DNMBP: variants seen among roughly 807,000 people sequenced by gnomAD.
DNMBP encodes the protein dynamin-binding protein.
A neutral mutation model predicts 150.0 loss-of-function variants in DNMBP; 87 were observed. The observed-to-expected ratio is 0.58, with a 90% CI of 0.49 to 0.69. The LOEUF (loss-of-function observed/expected upper bound fraction) is 0.69, where lower values mean the gene tolerates loss of function less well. DNMBP is among the 30% of genes least tolerant of loss of function. The probability of loss-of-function intolerance (pLI) is 0.00; values close to 1 mark genes in which losing one functional copy is unlikely to be tolerated. For missense variants in DNMBP, 1,774 were observed against 1,949.0 expected (o/e 0.91, Z 1.69); for synonymous variants, 711 against 750.4 (o/e 0.95, Z 0.86).
intron 4 of DNMBP, among the ~76,000 whole-genome samples, chr10:99,923,162 G>A (rs2080499243): frequency 6.6e-6 from 1 of 152,054 alleles, no homozygotes. Flanking sequence ...AGGCCGAGGT[G>A]GGCGGATCAG....
rs137947976 is a variant in DNMBP, at chr10:99,913,807, G to A, written c.2261-4661C>T. On this transcript the variant is annotated intron_variant, in intron 4 of 16. Coordinates refer to ENST00000324109, the MANE Select transcript of DNMBP (RefSeq NM_015221.4). Reference sequence around the variant, plus strand: ...TCAGAGTTAAAGAGCAGAGCCATGCGCCCTTCCCTTGCCTCAGAAAGCTGG... The same window carrying A: ...TCAGAGTTAAAGAGCAGAGCCATGCACCCTTCCCTTGCCTCAGAAAGCTGG... 101 of 790,576 alleles carry A rather than the reference G, an allele frequency of 1.3e-4. 2 individuals carry two copies. In the South Asian group the frequency reaches 4.6e-3, roughly 36 times the overall value. 49.0% of individuals were successfully genotyped at this position (790,576 alleles called of 1,614,324 possible).
At chr10:99,939,121 CA>C (rs879724371) in intron 4 of DNMBP, among the ~76,000 whole-genome samples, 155 of 141,036 alleles carry the variant, frequency 1.1e-3, no homozygotes, top group African/African-American at 1.8e-3. Flanking sequence ...AAAAGTGTGC[CA>C]AAAAAAAAAA....
intron 1 of DNMBP, among the ~76,000 whole-genome samples, chr10:99,985,961 GGCTGGTCT>G (rs2040823127): frequency 6.6e-6 from 1 of 152,092 alleles, no homozygotes; most frequent in Non-Finnish European, 1.5e-5. Flanking sequence ...ATGTTGGCCA[GGCTGGTCT>G]CAAACTCCTG....
chr10:99,932,905 G>C (rs539860559), intron 4 of DNMBP, among the ~76,000 whole-genome samples: 3 of 151,726 alleles, frequency 2.0e-5, no homozygotes, highest in African/African-American at 4.9e-5. Context: ...AAAGTGATCC[G>C]TTCCTAAGGA....
At chr10:99,934,167 G>T (rs370411032) in intron 4 of DNMBP, among the ~76,000 whole-genome samples, 1 of 152,136 alleles carries the variant, frequency 6.6e-6, no homozygotes, top group Non-Finnish European at 1.5e-5. Context: ...TTGTGAAAAT[G>T]TTGGGCACCT....
chr10:99,974,978 G>A (rs2133358761), intron 1 of DNMBP, among the ~76,000 whole-genome samples: 1 of 152,264 alleles, frequency 6.6e-6, no homozygotes, highest in Non-Finnish European at 1.5e-5. Flanking sequence ...ATGTTGCCCA[G>A]GCTGGTCTCA....
intron 1 of DNMBP, among the ~76,000 whole-genome samples, chr10:99,980,080 T>C (rs754124481): frequency 2.6e-5 from 4 of 152,188 alleles, no homozygotes; most frequent in African/African-American, 9.7e-5. Context: ...TTGTGAGACA[T>C]TGGACTGGAC....
At chr10:99,927,473 T>G (rs1348074076) in intron 4 of DNMBP, among the ~76,000 whole-genome samples, 1 of 152,176 alleles carries the variant, frequency 6.6e-6, no homozygotes, top group African/African-American at 2.4e-5. Context: ...TCCAAGAGGT[T>G]AAGTAATTTT....
intron 1 of DNMBP, among the ~76,000 whole-genome samples, chr10:99,974,111 C>T (rs182452467): frequency 2.0e-5 from 3 of 152,058 alleles, no homozygotes; most frequent in African/African-American, 7.2e-5. Context: ...CAACACAGCA[C>T]GACTTCACCT....
At chr10:99,981,142 A>G (rs1201012081) in intron 1 of DNMBP, among the ~76,000 whole-genome samples, 1 of 152,188 alleles carries the variant, frequency 6.6e-6, no homozygotes, top group Non-Finnish European at 1.5e-5. Flanking sequence ...AAGGTATGTC[A>G]TAAAACGTGA....
At chr10:99,988,943 G>A (rs1370291821) in intron 1 of DNMBP, among the ~76,000 whole-genome samples, 2 of 152,162 alleles carry the variant, frequency 1.3e-5, no homozygotes, top group Non-Finnish European at 2.9e-5. Flanking sequence ...GATTATGGGC[G>A]TGAGCCACTG....
intron 2 of DNMBP, among the ~76,000 whole-genome samples, chr10:99,970,220 T>C (rs972165578): frequency 6.6e-6 from 1 of 152,194 alleles, no homozygotes; most frequent in Non-Finnish European, 1.5e-5. Flanking sequence ...AAATAATTTA[T>C]CTCCCAAATG....
At chr10:99,982,850 G>A (rs544437287) in intron 1 of DNMBP, among the ~76,000 whole-genome samples, 5 of 152,184 alleles carry the variant, frequency 3.3e-5, no homozygotes, top group East Asian at 1.9e-4. Flanking sequence ...TACTCAGGGC[G>A]GGGGTATGGG....
chr10:99,876,314 T>C lies in DNMBP; in HGVS notation c.*837A>G, dbSNP rs2039271727. 1 of 151,572 alleles carries C rather than the reference T, an allele frequency of 6.6e-6. No individual in the cohort carries two copies. The highest frequency in any genetic ancestry group is 2.4e-5 in the African/African-American group (1 of 41,172). The allele number at this position is 151,572 out of a possible 1,614,324, so 9.4% of individuals were successfully genotyped here. ...GTTGCGGTATGGTGGCTTACACCTG[T>C]AATCTCAGCAGGGAGGCGGGAGGGT... On this transcript the variant is annotated 3_prime_UTR_variant, in exon 17 of 17. Coordinates refer to ENST00000324109, the MANE Select transcript of DNMBP (RefSeq NM_015221.4).
At chr10:99,877,648 GA>G (rs777546024) in intron 16 of DNMBP, among the ~76,000 whole-genome samples, 1 of 152,134 alleles carries the variant, frequency 6.6e-6, no homozygotes, top group African/African-American at 2.4e-5. Flanking sequence ...TGGATCACCT[GA>G]AGTTGGGAAT....
chr10:99,899,221 AAGTT>A (rs775442712), intron 7 of DNMBP, among the ~76,000 whole-genome samples: 34 of 151,946 alleles, frequency 2.2e-4, no homozygotes, highest in South Asian at 6.2e-4. Context: ...AAAAATAAAA[AAGTT>A]AGCCCCTAAC....
intron 4 of DNMBP, among the ~76,000 whole-genome samples, chr10:99,951,223 C>T (rs1057186010): frequency 3.9e-5 from 6 of 152,304 alleles, no homozygotes; most frequent in Admixed American, 6.5e-5. Flanking sequence ...ACCTCTGCCT[C>T]GATTTCAGAG....
At chr10:99,971,394 G>T (rs887646033) in intron 2 of DNMBP, among the ~76,000 whole-genome samples, 1 of 150,936 alleles carries the variant, frequency 6.6e-6, no homozygotes, top group African/African-American at 2.4e-5. Context: ...TATTGAGATG[G>T]TGTCTTGCTA....
At position 99,909,230 on chromosome 10, in the gene DNMBP, C is replaced by G. The variant is rs1589412423; in HGVS notation, c.2261-84G>C. On this transcript the variant is annotated intron_variant, in intron 4 of 16. Transcript: ENST00000324109. ...AGTTTGAGGCAAACAGAACCCATTT[C>G]CTGAGAACCAAAGGTCTCACTATTG... 9 of 1,043,398 alleles carry G rather than the reference C, an allele frequency of 8.6e-6. No homozygotes were observed. In the East Asian group the frequency reaches 2.0e-4, roughly 23 times the overall value. 64.6% of individuals were successfully genotyped at this position (1,043,398 alleles called of 1,614,324 possible). A position where few individuals can be genotyped will look rare whatever the true frequency, so the allele number is the denominator to read the frequency against.
Sources: gnomAD v4.1 joint callset for allele counts (sites outside exome capture counted in the v4.1 genomes callset) on GRCh38, gnomAD v4.1.1 for gene constraint, MANE v1.5 for transcripts, NCBI Gene and HGNC (gene_info 2026-07-23, HGNC 2026-07-21) for gene names.